Variants in ST18 observed in about 807,000 individuals in gnomAD.
ST18 encodes the protein suppression of tumorigenicity 18 protein.
Under a neutral mutation model 110.0 loss-of-function variants are expected in ST18, and 50 were observed. The ratio of observed to expected loss-of-function variants is 0.45; its 90% CI spans 0.36 to 0.58. The LOEUF is 0.58. Among genes scored for constraint, ST18 ranks in the 20% least tolerant of loss-of-function variants. The pLI is 0.00. For missense variants in ST18, 1,306 were observed against 1,280.1 expected (o/e 1.02, Z -0.31); for synonymous variants, 461 against 452.4 (o/e 1.02, Z -0.24).
chr8:52,224,676 T>C (rs1331555885), intron 3 of ST18, among the ~76,000 whole-genome samples: 1 of 152,216 alleles, frequency 6.6e-6, no homozygotes, highest in Admixed American at 6.5e-5. Context: ...TTAGGGAAGA[T>C]GTTTCAGATT....
chr8:52,393,379 C>T (rs1839953096), intron 2 of ST18, among the ~76,000 whole-genome samples: 1 of 152,124 alleles, frequency 6.6e-6, no homozygotes, highest in Non-Finnish European at 1.5e-5. Context: ...GCCAGCATCA[C>T]CATATAGACT....
chr8:52,260,757 T>C (rs977989910), intron 2 of ST18, among the ~76,000 whole-genome samples: 1 of 152,182 alleles, frequency 6.6e-6, no homozygotes, highest in Non-Finnish European at 1.5e-5. Context: ...TGTCTTAAAC[T>C]AGTTTATTCC....
intron 8 of ST18, among the ~76,000 whole-genome samples, chr8:52,201,733 C>G (rs1449855401): frequency 5.3e-5 from 8 of 152,350 alleles, no homozygotes; most frequent in Non-Finnish European, 1.0e-4. Context: ...AGTCACTTTG[C>G]TTCCTGACCC....
intron 23 of ST18, among the ~76,000 whole-genome samples, chr8:52,125,007 A>T (rs940379348): frequency 2.0e-5 from 3 of 152,192 alleles, no homozygotes; most frequent in African/African-American, 7.2e-5. Context: ...CCATCAAATA[A>T]AGTCTCCAGA....
chr8:52,381,172 A>G (rs1834366619), intron 2 of ST18, among the ~76,000 whole-genome samples: 1 of 152,150 alleles, frequency 6.6e-6, no homozygotes, highest in African/African-American at 2.4e-5. Flanking sequence ...TGTAGGGTGG[A>G]AAAGGAGAGG....
Position 52,319,821 on chromosome 8 carries a change from G to C in ST18, c.-465+89507C>G, listed in dbSNP as rs151324000. 6.0e-3 allele frequency among the ~76,000 whole-genome samples: 914 copies of C among 152,256 alleles called. 7 individuals are homozygous for C. The highest frequency in any genetic ancestry group is 0.021 in the African/African-American group (867 of 41,550). Reference sequence around the variant, plus strand: ...CCTGGCAATCCTCTGAAGATCTTAGGAGAGTGCCTGCATGTGCCTTCTCCA... The same window carrying C: ...CCTGGCAATCCTCTGAAGATCTTAGCAGAGTGCCTGCATGTGCCTTCTCCA... On this transcript the variant is annotated intron_variant, in intron 2 of 25. Transcript: ENST00000689386.
Position 52,159,051 on chromosome 8 carries a change from G to A in ST18, c.1653C>T (p.His551=). 1.2e-6 allele frequency: 2 copies of A among 1,614,194 alleles called. No individual in the cohort carries two copies. The highest frequency in any genetic ancestry group is 1.1e-5 in the South Asian group (1 of 91,080). Residue 551 remains histidine (H), a synonymous_variant, in exon 15 of 26, where the codon CAC becomes CAT. Coordinates refer to ENST00000689386, the MANE Select transcript of ST18 (RefSeq NM_001352837.2). The part of the protein sequence containing the change: ...FPNRLPSAGA[H]TQSPGRASSY... ...AGCTGGCACGGCCAGGGCTCTGGGT[G>A]TGGGCGCCTGCACTAGGCAGTCGAT...
chr8:52,199,037 T>TC (rs1218642515), intron 8 of ST18: 3 of 152,134 alleles, frequency 2.0e-5, no homozygotes, highest in Admixed American at 6.5e-5. Flanking sequence ...CCCTGATGTT[T>TC]CCATTCACCA....
At chr8:52,378,901 A>G (rs1432344668) in intron 2 of ST18, among the ~76,000 whole-genome samples, 1 of 152,102 alleles carries the variant, frequency 6.6e-6, no homozygotes, top group African/African-American at 2.4e-5. Flanking sequence ...AAATAGACCT[A>G]TGTGATACGA....
rs1254999595 is a variant in ST18, at chr8:52,110,933, A to G, written c.*2265T>C. 3 of 397,478 alleles carry G rather than the reference A, an allele frequency of 7.5e-6. No homozygotes were observed. The highest frequency in any genetic ancestry group is 2.1e-5 in the African/African-American group (1 of 48,600). The allele number at this position is 397,478 out of a possible 1,614,324, so 24.6% of individuals were successfully genotyped here. ...TAAGAAATATTAAGTGTTTGGAGAA[A>G]CAGTATACAAACAAACTACCTCAAA... is the stretch of plus-strand genomic sequence containing the variant. On this transcript the variant is annotated 3_prime_UTR_variant, in exon 26 of 26. Transcript: ENST00000689386.
At chr8:52,178,854 T>G (rs1306912824) in intron 9 of ST18, among the ~76,000 whole-genome samples, 1 of 151,906 alleles carries the variant, frequency 6.6e-6, no homozygotes, top group Non-Finnish European at 1.5e-5. Context: ...AACTTTGTTT[T>G]AAGCGCAGAA....
At position 52,164,016 on chromosome 8, in the gene ST18, T is replaced by G. The variant is rs928177909; in HGVS notation, c.1370A>C (p.Gln457Pro). ...SQDKNQLDSP[Q>P]TGQCPDQAHR... ...GGCCTGGTCAGGACACTGCCCAGTT[T>G]GGGGAGAATCAAGCTGATTTTTATC... Residue 457 changes from glutamine to proline, a missense_variant, in exon 13 of 26, where the codon CAA becomes CCA. Physicochemically the swap from Gln to Pro is moderately conservative, Grantham distance 76 (BLOSUM62 -1). Coordinates refer to ENST00000689386, the MANE Select transcript of ST18 (RefSeq NM_001352837.2). 6.2e-7 allele frequency: 1 copy of G among 1,614,114 alleles called. No individual in the cohort carries two copies. Among genetic ancestry groups the G allele is most frequent in the Non-Finnish European group, 8.5e-7 (1 of 1,179,990 alleles).
At chr8:52,186,223 TAAAC>T (rs1473868981) in intron 8 of ST18, among the ~76,000 whole-genome samples, 1 of 152,122 alleles carries the variant, frequency 6.6e-6, no homozygotes, top group Non-Finnish European at 1.5e-5. Flanking sequence ...TTCTTCCAAA[TAAAC>T]AAGAAAAGAC....
chr8:52,348,906 G>A (rs1422563787), intron 2 of ST18, among the ~76,000 whole-genome samples: 1 of 152,094 alleles, frequency 6.6e-6, no homozygotes, highest in East Asian at 1.9e-4. Flanking sequence ...TTCCAAGGAT[G>A]CAATGTATTT....
At chr8:52,391,843 G>A (rs183571022) in intron 2 of ST18, among the ~76,000 whole-genome samples, 1 of 152,276 alleles carries the variant, frequency 6.6e-6, no homozygotes, top group Non-Finnish European at 1.5e-5. Context: ...GAAGAGGTGG[G>A]ATTTGAACTA....
intron 2 of ST18, among the ~76,000 whole-genome samples, chr8:52,282,229 CAA>C (rs911924992): frequency 3.4e-4 from 52 of 151,898 alleles, no homozygotes; most frequent in Admixed American, 3.2e-3. Context: ...AGAAAAAACC[CAA>C]GAGAAGGAAA....
In ST18 at chr8:52,166,992, G is replaced by C; in HGVS notation, c.1070-6C>G. The C allele has an allele frequency of 3.1e-6, 5 of 1,601,136 alleles. No individual in the cohort carries two copies. The highest frequency in any genetic ancestry group is 4.3e-6 in the Non-Finnish European group (5 of 1,171,614). ...CTTTTCAGGCCTTGGTGAATCTATG[G>C]AGAAATTCAATTGAGAAATGCATTT... On this transcript the variant is annotated splice_polypyrimidine_tract_variant and splice_region_variant and intron_variant, in intron 10 of 25. Coordinates refer to ENST00000689386, the MANE Select transcript of ST18 (RefSeq NM_001352837.2).
At chr8:52,340,478 G>A (rs1039019920) in intron 2 of ST18, among the ~76,000 whole-genome samples, 12 of 152,178 alleles carry the variant, frequency 7.9e-5, no homozygotes, top group African/African-American at 2.2e-4. Flanking sequence ...ATGACCACAC[G>A]GACAAAGTGC....
intron 2 of ST18, among the ~76,000 whole-genome samples, chr8:52,359,004 A>T (rs532683111): frequency 1.2e-3 from 190 of 152,128 alleles, no homozygotes; most frequent in African/African-American, 4.3e-3. Context: ...ATTTAATAAC[A>T]TCATATTAAG....
Sources: gnomAD v4.1 joint callset for allele counts (sites outside exome capture counted in the v4.1 genomes callset) on GRCh38, gnomAD v4.1.1 for gene constraint, MANE v1.5 for transcripts, NCBI Gene and HGNC (gene_info 2026-07-23, HGNC 2026-07-21) for gene names.